The following PTER variants were observed in gnomAD, a reference collection of about 807,000 sequenced individuals.
The protein encoded by PTER is phosphotriesterase related, also known as N-acetyltaurine hydrolase.
In PTER, 38 loss-of-function variants were observed where a neutral mutation model predicts 29.6. The ratio of observed to expected loss-of-function variants is 1.28; its 90% CI spans 0.99 to 1.68. The LOEUF (loss-of-function observed/expected upper bound fraction) is 1.68. Among genes scored for constraint, PTER ranks in the 40% most tolerant of loss-of-function variants. PTER has a pLI of 0.00. For missense variants in PTER, 482 were observed against 427.8 expected (o/e 1.13, Z -1.12); for synonymous variants, 172 against 154.5 (o/e 1.11, Z -0.84).
chr10:16,459,644 C>G (rs1237653041), intron 1 of PTER, among the ~76,000 whole-genome samples: 4 of 152,166 alleles, frequency 2.6e-5, no homozygotes, highest in Non-Finnish European at 5.9e-5. Context: ...CAAACTAGTT[C>G]TTGCTCCTTG....
chr10:16,497,137 G>A (rs547205261), intron 3 of PTER, among the ~76,000 whole-genome samples: 4 of 152,054 alleles, frequency 2.6e-5, no homozygotes, highest in Non-Finnish European at 5.9e-5. Flanking sequence ...GTCTCACCAT[G>A]TTGGCCAGGC....
intron 3 of PTER, among the ~76,000 whole-genome samples, chr10:16,503,731 G>A (rs1341858384): frequency 1.3e-5 from 2 of 152,094 alleles, no homozygotes; most frequent in Non-Finnish European, 2.9e-5. Flanking sequence ...GTAGAGACGT[G>A]GTTTCACTAT....
chr10:16,464,797 T>A (rs1381614498), intron 1 of PTER, among the ~76,000 whole-genome samples: 1 of 152,162 alleles, frequency 6.6e-6, no homozygotes, highest in Admixed American at 6.5e-5. Context: ...CCTGTATCCA[T>A]CCATTTTCAT....
At chr10:16,492,424 A>G (rs556897057) in intron 3 of PTER, among the ~76,000 whole-genome samples, 3 of 152,330 alleles carry the variant, frequency 2.0e-5, no homozygotes, top group Admixed American at 2.0e-4. Flanking sequence ...TAATGATAGC[A>G]CTGCCTTGGC....
intron 1 of PTER, among the ~76,000 whole-genome samples, chr10:16,441,361 C>T (rs1465081025): frequency 1.3e-5 from 2 of 151,976 alleles, no homozygotes; most frequent in South Asian, 2.1e-4. Flanking sequence ...ATGAATCATC[C>T]GTACTTACCA....
intron 1 of PTER, among the ~76,000 whole-genome samples, chr10:16,472,321 G>C (rs1021644966): frequency 1.3e-5 from 2 of 152,258 alleles, no homozygotes; most frequent in Admixed American, 6.5e-5. Flanking sequence ...CGGATTGACT[G>C]TGTCCCCACC....
At chr10:16,472,995 C>T (rs1449968418) in intron 1 of PTER, among the ~76,000 whole-genome samples, 1 of 151,078 alleles carries the variant, frequency 6.6e-6, no homozygotes, top group East Asian at 1.9e-4. Context: ...ATATTACATA[C>T]CCAATTTCCT....
At chr10:16,503,211 A>G (rs1181495075) in intron 3 of PTER, among the ~76,000 whole-genome samples, 1 of 150,842 alleles carries the variant, frequency 6.6e-6, no homozygotes, top group African/African-American at 2.4e-5. Flanking sequence ...GTGAGCCACC[A>G]CACCCAGCCA....
chr10:16,497,484 A>G (rs10904752), intron 3 of PTER, among the ~76,000 whole-genome samples: 9,570 of 152,254 alleles, frequency 0.063, 595 homozygotes, highest in African/African-American at 0.14. Flanking sequence ...TCGTGTCTAT[A>G]TTCCTAACAC....
At chr10:16,477,261 T>TAGATAGATAGATAGAG (rs1446936260) in intron 1 of PTER, among the ~76,000 whole-genome samples, 13 of 60,158 alleles carry the variant, frequency 2.2e-4, no homozygotes, top group African/African-American at 5.9e-4. Flanking sequence ...TGTCTTTCGA[T>TAGATAGATAGATAGAG]AGATAGATAG....
At chr10:16,486,228 A>C (rs1835688206) in intron 2 of PTER, 124 bp from the exon 3 acceptor site, 1 of 1,148,472 alleles carries the variant, frequency 8.7e-7, no homozygotes, top group African/African-American at 1.6e-5. Flanking sequence ...ATTAATTGAT[A>C]AATACTGAAT....
intron 1 of PTER, among the ~76,000 whole-genome samples, chr10:16,473,527 A>AAAAAAAC (rs1835135796): frequency 6.8e-6 from 1 of 147,300 alleles, no homozygotes; most frequent in Non-Finnish European, 1.5e-5. Context: ...CCGAAAAAAA[A>AAAAAAAC]AAAAAAAAAA....
chr10:16,474,219 G>T (rs1835169524), intron 1 of PTER, among the ~76,000 whole-genome samples: 1 of 152,134 alleles, frequency 6.6e-6, no homozygotes, highest in Non-Finnish European at 1.5e-5. Context: ...AATAGAAGTT[G>T]CATAACAACC....
chr10:16,454,681 T>C (rs1292063705), intron 1 of PTER, among the ~76,000 whole-genome samples: 1 of 90,636 alleles, frequency 1.1e-5, no homozygotes, highest in Non-Finnish European at 2.0e-5. Context: ...TTCTAAGCAA[T>C]GTCAAGACAT....
At chr10:16,469,901 G>GT (rs60896166) in intron 1 of PTER, among the ~76,000 whole-genome samples, 549 of 147,830 alleles carry the variant, frequency 3.7e-3, no homozygotes, top group African/African-American at 6.5e-3. Context: ...TTGTTTTTTT[G>GT]TTTTTTTTTT....
intron 1 of PTER, among the ~76,000 whole-genome samples, chr10:16,466,366 G>C (rs1010037913): frequency 1.3e-5 from 2 of 150,252 alleles, no homozygotes; most frequent in Admixed American, 1.3e-4. Context: ...TGCACTGATT[G>C]TTTGTTTGAG....
chr10:16,472,778 A>G (rs1050568121), intron 1 of PTER, among the ~76,000 whole-genome samples: 5 of 152,178 alleles, frequency 3.3e-5, no homozygotes, highest in African/African-American at 1.2e-4. Flanking sequence ...ACAGTTTTCT[A>G]TTATGTTGTG....
At chr10:16,454,089 C>T (rs1033695755) in intron 1 of PTER, among the ~76,000 whole-genome samples, 17 of 152,126 alleles carry the variant, frequency 1.1e-4, no homozygotes, top group African/African-American at 3.9e-4. Context: ...TATGTCATCC[C>T]GTCTGTGTCT....
At chr10:16,516,815 T>C (rs1836958865), downstream of PTER, among the ~76,000 whole-genome samples, 1 of 152,216 alleles carries the variant, frequency 6.6e-6, no homozygotes, top group African/African-American at 2.4e-5. Flanking sequence ...GACTGAAAGG[T>C]TACCCTCACA....
Sources: gnomAD v4.1 joint callset for allele counts (sites outside exome capture counted in the v4.1 genomes callset) on GRCh38, gnomAD v4.1.1 for gene constraint, MANE v1.5 for transcripts, NCBI Gene and HGNC (gene_info 2026-07-23, HGNC 2026-07-21) for gene names.